Variants in ANKS1B observed in about 807,000 individuals in gnomAD.
The protein encoded by ANKS1B is ankyrin repeat and sterile alpha motif domain containing 1B, also known as ankyrin repeat and sterile alpha motif domain-containing protein 1B.
A neutral mutation model predicts 148.3 loss-of-function variants in ANKS1B; 36 were observed. The observed-to-expected ratio is 0.24, with a 90% CI of 0.19 to 0.32. The LOEUF is 0.32. Ranked by LOEUF, ANKS1B falls within the 10% of genes least tolerant of loss-of-function variation. The pLI is 1.00. For missense variants in ANKS1B, 1,157 were observed against 1,542.6 expected (o/e 0.75, Z 4.19); for synonymous variants, 542 against 560.8 (o/e 0.97, Z 0.47).
intron 9 of ANKS1B, among the ~76,000 whole-genome samples, chr12:99,507,882 T>C (rs1031766766): frequency 6.6e-6 from 1 of 151,760 alleles, no homozygotes; most frequent in Non-Finnish European, 1.5e-5. Flanking sequence ...ATATTACCAT[T>C]GTATCATTGA....
At chr12:99,733,796 C>T (rs534440970) in intron 8 of ANKS1B, among the ~76,000 whole-genome samples, 16 of 152,310 alleles carry the variant, frequency 1.1e-4, no homozygotes, top group African/African-American at 3.6e-4. Context: ...TAACACTCTT[C>T]AATCTCCATA....
chr12:99,176,320 A>G (rs1053567277), intron 14 of ANKS1B, among the ~76,000 whole-genome samples: 9 of 152,240 alleles, frequency 5.9e-5, no homozygotes, highest in Non-Finnish European at 1.0e-4. Flanking sequence ...CTTTGATTTC[A>G]TAAACTGACA....
chr12:99,520,953 G>T (rs1025117114), intron 9 of ANKS1B, among the ~76,000 whole-genome samples: 2 of 152,016 alleles, frequency 1.3e-5, no homozygotes, highest in African/African-American at 4.8e-5. Context: ...CCACCACCAT[G>T]CCCAGCTAAT....
intron 1 of ANKS1B, among the ~76,000 whole-genome samples, chr12:99,926,305 C>T (rs1603461451): frequency 6.6e-6 from 1 of 152,288 alleles, no homozygotes; most frequent in South Asian, 2.1e-4. Context: ...TTTAAGGTCC[C>T]CAGATACTTA....
At chr12:99,290,306 T>C (rs372058839) in intron 12 of ANKS1B, among the ~76,000 whole-genome samples, 49 of 143,900 alleles carry the variant, frequency 3.4e-4, no homozygotes, top group African/African-American at 1.2e-3. Flanking sequence ...AAAAAAGGCG[T>C]GGACCTGATG....
chr12:99,914,824 T>C (rs947199322), intron 1 of ANKS1B, among the ~76,000 whole-genome samples: 8 of 152,100 alleles, frequency 5.3e-5, no homozygotes, highest in African/African-American at 1.9e-4. Flanking sequence ...CACCTCTAAT[T>C]GCATGGAGAC....
At chr12:99,775,445 G>T in intron 7 of ANKS1B, 103 bp downstream of exon 7, 1 of 617,144 alleles carries the variant, frequency 1.6e-6, no homozygotes. Context: ...CTTATAAATG[G>T]ATGAAATATA....
intron 8 of ANKS1B, among the ~76,000 whole-genome samples, chr12:99,661,624 C>G (rs528742379): frequency 4.6e-5 from 7 of 152,284 alleles, no homozygotes; most frequent in African/African-American, 1.7e-4. Flanking sequence ...CTTCCTCTTG[C>G]CTCGTACCTT....
intron 17 of ANKS1B, among the ~76,000 whole-genome samples, chr12:98,993,350 G>T (rs1399948684): frequency 2.6e-5 from 4 of 152,086 alleles, no homozygotes; most frequent in African/African-American, 9.7e-5. Context: ...TGTATTTTTA[G>T]TAGTGATGGG....
Position 98,945,505 on chromosome 12 carries a change from CAAAAA to C in ANKS1B, c.2778+107647_2778+107651del, listed in dbSNP as rs3051086. On this transcript the variant is annotated intron_variant, in intron 17 of 26. Coordinates refer to ENST00000683438, the MANE Select transcript of ANKS1B (RefSeq NM_001352186.2). ...GCCAGACCCTGTCTCAACAAACAAA[CAAAAA>C]AAAAAAAAAAAAAAAAAAAAAAAAG... 4.2e-3 allele frequency among the ~76,000 whole-genome samples: 126 copies of C among 30,222 alleles called. No individual in the cohort carries two copies. In the East Asian group the frequency reaches 0.073, roughly 18 times the overall value. The allele number at this position is 30,222 out of a possible 152,430, so 19.8% of individuals were successfully genotyped here.
chr12:99,544,128 A>T (rs1373770968), intron 9 of ANKS1B, among the ~76,000 whole-genome samples: 1 of 146,162 alleles, frequency 6.8e-6, no homozygotes, highest in Admixed American at 6.7e-5. Flanking sequence ...AAAATTCTTT[A>T]AAAAAAAACT....
intron 10 of ANKS1B, among the ~76,000 whole-genome samples, chr12:99,488,757 G>A (rs2096527205): frequency 6.6e-6 from 1 of 152,120 alleles, no homozygotes; most frequent in Non-Finnish European, 1.5e-5. Context: ...TTGTGCTTCT[G>A]ATCCAGTTGA....
intron 1 of ANKS1B, among the ~76,000 whole-genome samples, chr12:99,877,810 T>C (rs2092217314): frequency 6.6e-6 from 1 of 152,144 alleles, no homozygotes; most frequent in African/African-American, 2.4e-5. Flanking sequence ...TAATCCCAAC[T>C]CTTTGGGAGG....
intron 9 of ANKS1B, among the ~76,000 whole-genome samples, chr12:99,526,343 G>A (rs556138675): frequency 3.3e-5 from 5 of 152,222 alleles, no homozygotes; most frequent in Admixed American, 2.0e-4. Flanking sequence ...CCCTCACCTC[G>A]GAACAGGTGG....
chr12:99,119,551 C>T (rs1412614069), intron 15 of ANKS1B, among the ~76,000 whole-genome samples: 1 of 152,106 alleles, frequency 6.6e-6, no homozygotes, highest in Non-Finnish European at 1.5e-5. Context: ...CATAAGCCTC[C>T]CAAATTCTTG....
intron 19 of ANKS1B, among the ~76,000 whole-genome samples, chr12:98,815,372 C>T (rs899429291): frequency 6.6e-6 from 1 of 152,214 alleles, no homozygotes; most frequent in Admixed American, 6.5e-5. Flanking sequence ...CCCTTGATCA[C>T]TCCTCCATTC....
chr12:98,768,823 A>G (rs2098525848), intron 25 of ANKS1B, among the ~76,000 whole-genome samples: 1 of 151,792 alleles, frequency 6.6e-6, no homozygotes, highest in Non-Finnish European at 1.5e-5. Context: ...GAGCACATTC[A>G]GGGCCCTGCA....
chr12:99,607,883 C>T (rs957389102), intron 9 of ANKS1B, among the ~76,000 whole-genome samples: 2 of 151,956 alleles, frequency 1.3e-5, no homozygotes, highest in Non-Finnish European at 2.9e-5. Flanking sequence ...CACCTATTAA[C>T]AGAGATCAGT....
intron 17 of ANKS1B, among the ~76,000 whole-genome samples, chr12:98,994,075 G>A (rs12578561): frequency 0.17 from 25,953 of 152,084 alleles, 2,411 homozygotes; most frequent in Non-Finnish European, 0.21. Flanking sequence ...TTTTGTGTGT[G>A]TGTGATATAC....
Sources: gnomAD v4.1 joint callset for allele counts (sites outside exome capture counted in the v4.1 genomes callset) on GRCh38, gnomAD v4.1.1 for gene constraint, MANE v1.5 for transcripts, NCBI Gene and HGNC (gene_info 2026-07-23, HGNC 2026-07-21) for gene names.